The following SNX18 variants were observed in gnomAD, a reference collection of about 807,000 sequenced individuals.
The protein encoded by SNX18 is sorting nexin-18.
In SNX18, 35 loss-of-function variants were observed where a neutral mutation model predicts 48.7. That is an observed-to-expected ratio of 0.72 (90% CI 0.55 to 0.95). The LOEUF (loss-of-function observed/expected upper bound fraction) is 0.95. Among genes scored for constraint, SNX18 ranks in the 40% least tolerant of loss-of-function variants. SNX18 has a pLI of 0.00. For missense variants in SNX18, 824 were observed against 871.0 expected (o/e 0.95, Z 0.68); for synonymous variants, 492 against 384.7 (o/e 1.28, Z -3.26).
chr5:54,550,358 T>G (rs544715982), downstream of SNX18, among the ~76,000 whole-genome samples: 25 of 152,240 alleles, frequency 1.6e-4, no homozygotes, highest in African/African-American at 5.8e-4. Flanking sequence ...ATTGGACCTT[T>G]TAGGTATTCA....
chr5:54,638,036 T>G, the SNX18 span, among the ~76,000 whole-genome samples: 1 of 152,100 alleles, frequency 6.6e-6, no homozygotes, highest in African/African-American at 2.4e-5. Flanking sequence ...AATTTCAAAA[T>G]CTCTGTACAA....
chr5:54,583,467 A>G, the SNX18 span, among the ~76,000 whole-genome samples: 1 of 152,208 alleles, frequency 6.6e-6, no homozygotes, highest in Non-Finnish European at 1.5e-5. Flanking sequence ...AAGCTGTGTC[A>G]TGATAAAGTC....
At chr5:54,530,498 A>G (rs1762232966) in intron 1 of SNX18, among the ~76,000 whole-genome samples, 3 of 152,186 alleles carry the variant, frequency 2.0e-5, no homozygotes, top group African/African-American at 7.2e-5. Flanking sequence ...GCTTGTTAGA[A>G]AATTGACTTA....
chr5:54,588,517 T>G, the SNX18 span, among the ~76,000 whole-genome samples: 2 of 151,864 alleles, frequency 1.3e-5, no homozygotes, highest in Non-Finnish European at 2.9e-5. Context: ...TTAGTAGAGA[T>G]GGGGTTTCAC....
the SNX18 span, among the ~76,000 whole-genome samples, chr5:54,624,614 G>A: frequency 6.6e-6 from 1 of 152,140 alleles, no homozygotes; most frequent in African/African-American, 2.4e-5. Flanking sequence ...CAAAGCCAAC[G>A]TTTCAAAATT....
the SNX18 span, among the ~76,000 whole-genome samples, chr5:54,614,822 A>G: frequency 2.6e-5 from 4 of 152,200 alleles, no homozygotes; most frequent in Non-Finnish European, 5.9e-5. Context: ...TTTAAAAGAC[A>G]TAGACACTAA....
chr5:54,613,474 G>A, the SNX18 span, among the ~76,000 whole-genome samples: 1 of 151,956 alleles, frequency 6.6e-6, no homozygotes, highest in African/African-American at 2.4e-5. Context: ...CATCCAGGAG[G>A]GCTCTGCCTC....
chr5:54,558,415 GA>G, the SNX18 span, among the ~76,000 whole-genome samples: 2 of 151,974 alleles, frequency 1.3e-5, no homozygotes, highest in African/African-American at 4.8e-5. Flanking sequence ...TTTCTTTCAA[GA>G]TTAGAGTAAT....
At chr5:54,522,360 G>T (rs906418512) in intron 1 of SNX18, among the ~76,000 whole-genome samples, 1 of 152,154 alleles carries the variant, frequency 6.6e-6, no homozygotes, top group Admixed American at 6.5e-5. Context: ...CTGAATATTG[G>T]TCAACAGAAA....
chr5:54,584,760 C>T, the SNX18 span, among the ~76,000 whole-genome samples: 1 of 152,072 alleles, frequency 6.6e-6, no homozygotes, highest in African/African-American at 2.4e-5. Flanking sequence ...AATCCTTGAC[C>T]ACCAGAAGAA....
rs148734592 is a variant in SNX18 at position 54,523,866 on chromosome 5, G to A, written c.1621+4293G>A. On this transcript the variant is annotated intron_variant, in intron 1 of 1. Coordinates refer to ENST00000381410, the MANE Select transcript of SNX18 (RefSeq NM_001102575.2). ...CACACAAGGTAAGGCTGGGCCACAC[G>A]GAGACCCTTCCCTGTCTGCTCCCCA... 1.8e-3 allele frequency among the ~76,000 whole-genome samples: 274 copies of A among 152,296 alleles called. 2 individuals are homozygous for A. Among genetic ancestry groups the A allele is most frequent in the East Asian group, 9.8e-3 (51 of 5,178 alleles).
At chr5:54,645,704 A>G in the SNX18 span, 1 of 152,230 alleles carries the variant, frequency 6.6e-6, no homozygotes, top group Non-Finnish European at 1.5e-5. Flanking sequence ...CATTTTACAT[A>G]TACAGGAAAT....
the SNX18 span, among the ~76,000 whole-genome samples, chr5:54,591,569 T>C: frequency 3.3e-5 from 5 of 152,240 alleles, no homozygotes; most frequent in Non-Finnish European, 7.3e-5. Flanking sequence ...GCACCATTTG[T>C]TGGTGGCACT....
chr5:54,598,501 G>T, the SNX18 span, among the ~76,000 whole-genome samples: 4 of 152,116 alleles, frequency 2.6e-5, no homozygotes, highest in African/African-American at 4.8e-5. Context: ...CTGGCAAACC[G>T]AATCCAGCAG....
At chr5:54,549,058 A>G (rs926580908), downstream of SNX18, among the ~76,000 whole-genome samples, 3 of 151,790 alleles carry the variant, frequency 2.0e-5, no homozygotes, top group Non-Finnish European at 4.4e-5. Flanking sequence ...GTTATTTCTT[A>G]TTGTTTGAGG....
At chr5:54,599,571 A>T in the SNX18 span, among the ~76,000 whole-genome samples, 2 of 152,186 alleles carry the variant, frequency 1.3e-5, no homozygotes, top group African/African-American at 4.8e-5. Context: ...ACCCTACCAG[A>T]CTTCATTCAA....
At chr5:54,547,204 G>A (rs918737215), downstream of SNX18, among the ~76,000 whole-genome samples, 3 of 152,078 alleles carry the variant, frequency 2.0e-5, no homozygotes, top group South Asian at 4.1e-4. Context: ...AATCACCTAC[G>A]GTTTGGGGAG....
the SNX18 span, among the ~76,000 whole-genome samples, chr5:54,633,661 G>GT: frequency 6.6e-6 from 1 of 152,304 alleles, no homozygotes; most frequent in African/African-American, 2.4e-5. Flanking sequence ...TACAAGTGCT[G>GT]TAACAGTGTG....
At chr5:54,576,350 G>A in the SNX18 span, among the ~76,000 whole-genome samples, 8 of 152,216 alleles carry the variant, frequency 5.3e-5, no homozygotes, top group African/African-American at 1.7e-4. Flanking sequence ...GGAACCCAAG[G>A]CTATGGTACG....
Sources: allele counts gnomAD v4.1 joint callset (sites outside exome capture counted in the v4.1 genomes callset), GRCh38; gene constraint gnomAD v4.1.1; transcripts MANE v1.5; gene names NCBI Gene and HGNC (gene_info 2026-07-23, HGNC 2026-07-21).